Variants in BCR observed in about 807,000 individuals in gnomAD.
BCR encodes the protein breakpoint cluster region protein.
In BCR, 58 loss-of-function variants were observed where a neutral mutation model predicts 138.6. The observed-to-expected ratio is 0.42, with a 90% CI of 0.34 to 0.52. The LOEUF is 0.52. Ranked by LOEUF, BCR falls within the 20% of genes least tolerant of loss-of-function variation. BCR has a pLI of 0.06. For missense variants in BCR, 1,599 were observed against 1,727.2 expected (o/e 0.93, Z 1.32); for synonymous variants, 786 against 730.1 (o/e 1.08, Z -1.23).
rs571862317 is a variant in BCR, at chr22:23,282,935, G to A, written c.2116-1042G>A. On this transcript the variant is annotated intron_variant, in intron 8 of 22. Coordinates refer to ENST00000305877, the MANE Select transcript of BCR (RefSeq NM_004327.4). ...GTGAATGTTACCCCTCTCTTTCTGCGCTGCCTGGGACAGAGGGTGGACCTC... is the reference window on the plus strand; with the variant it reads ...GTGAATGTTACCCCTCTCTTTCTGCACTGCCTGGGACAGAGGGTGGACCTC... Among the ~76,000 whole-genome samples, 20 of 152,284 alleles carry A rather than the reference G, an allele frequency of 1.3e-4. No individual in the cohort carries two copies. In the South Asian group the frequency reaches 1.9e-3, roughly 14 times the overall value.
At chr22:23,263,395 C>A (rs1323843294) in intron 4 of BCR, 2 of 1,242,474 alleles carry the variant, frequency 1.6e-6, no homozygotes, top group Non-Finnish European at 2.4e-6. Context: ...AACCTGATGA[C>A]CAGTGTCCCA....
intron 16 of BCR, among the ~76,000 whole-genome samples, chr22:23,300,033 G>A (rs77771727): frequency 0.019 from 2,832 of 152,314 alleles, 39 homozygotes; most frequent in Middle Eastern, 0.027. Flanking sequence ...TAAGCACAAT[G>A]TAAAATGTCC....
At chr22:23,185,722 T>G (rs1461259967) in intron 1 of BCR, among the ~76,000 whole-genome samples, 3 of 143,346 alleles carry the variant, frequency 2.1e-5, no homozygotes, top group Non-Finnish European at 3.0e-5. Context: ...GTTCTCTCTG[T>G]TTTTTTTGTT....
At chr22:23,268,983 C>T (rs1214235794) in intron 5 of BCR, among the ~76,000 whole-genome samples, 2 of 152,250 alleles carry the variant, frequency 1.3e-5, no homozygotes, top group African/African-American at 4.8e-5. Context: ...CACCTGTGCT[C>T]TGTGGACCCA....
chr22:23,260,698 C>T (rs1012571136), intron 2 of BCR, among the ~76,000 whole-genome samples: 1 of 152,246 alleles, frequency 6.6e-6, no homozygotes, highest in Non-Finnish European at 1.5e-5. Flanking sequence ...AACTCTGTTT[C>T]GTGGTCTGGC....
At chr22:23,219,581 T>G (rs575118296) in intron 1 of BCR, among the ~76,000 whole-genome samples, 3 of 152,286 alleles carry the variant, frequency 2.0e-5, no homozygotes, top group Non-Finnish European at 4.4e-5. Context: ...GGGCTGAAGG[T>G]CAAGGTCACG....
rs113995274 is a variant in BCR at position 23,226,129 on chromosome 22, G to A, written c.1280-27670G>A. ...AATGGTGCAAACCTTCTTGCACTCC[G>A]TAAATGATTCATTTCCTTCAAATGT... On this transcript the variant is annotated intron_variant, in intron 1 of 22. Transcript: ENST00000305877. Among the ~76,000 whole-genome samples the A allele has an allele frequency of 8.7e-3, 1,322 of 152,284 alleles. 18 individuals carry two copies. The highest frequency in any genetic ancestry group is 0.03 in the African/African-American group (1,261 of 41,544).
At chr22:23,283,807 G>A in intron 8 of BCR, 170 bp from the exon 9 acceptor site, 2 of 870,426 alleles carry the variant, frequency 2.3e-6, no homozygotes, top group Non-Finnish European at 3.4e-6. Context: ...ACAGTGAGAT[G>A]AACAAAACGT....
At chr22:23,314,149 C>T in intron 21 of BCR, 76 bp downstream of exon 21, 1 of 1,198,722 alleles carries the variant, frequency 8.3e-7, no homozygotes, top group Non-Finnish European at 1.2e-6. Context: ...CCCACTAGAC[C>T]CCCAACACCG....
intron 1 of BCR, among the ~76,000 whole-genome samples, chr22:23,205,174 G>T (rs1367742324): frequency 6.6e-6 from 1 of 152,212 alleles, no homozygotes; most frequent in Non-Finnish European, 1.5e-5. Flanking sequence ...CTTAGTGCCA[G>T]TTGGAGTAGG....
At chr22:23,233,789 CAAAAA>C (rs59819093) in intron 1 of BCR, among the ~76,000 whole-genome samples, 3 of 70,102 alleles carry the variant, frequency 4.3e-5, no homozygotes, top group Admixed American at 1.6e-4. Flanking sequence ...GACCCTGTCT[CAAAAA>C]AAAAAAAAAG....
At chr22:23,238,431 A>C in intron 1 of BCR, among the ~76,000 whole-genome samples, 1 of 152,084 alleles carries the variant, frequency 6.6e-6, no homozygotes, top group South Asian at 2.1e-4. Flanking sequence ...ATTCTGGTGG[A>C]GAATACAAAA....
chr22:23,216,987 G>A (rs922772817), intron 1 of BCR: 6 of 440,932 alleles, frequency 1.4e-5, no homozygotes, highest in African/African-American at 8.1e-5. Flanking sequence ...CTAAGCGGGG[G>A]TAGAAAGCTG....
chr22:23,301,095 G>C (rs2073897486), intron 16 of BCR, among the ~76,000 whole-genome samples: 2 of 152,228 alleles, frequency 1.3e-5, no homozygotes, highest in Admixed American at 1.3e-4. Flanking sequence ...TTTGACATCA[G>C]GAGTTCAAGA....
intron 1 of BCR, chr22:23,242,759 C>T (rs1602056025): frequency 2.4e-6 from 1 of 418,890 alleles, no homozygotes; most frequent in South Asian, 1.8e-5. Flanking sequence ...CCTGTGGCTT[C>T]CTTAACAGAA....
chr22:23,314,511 G>A, intron 21 of BCR, 41 bp from the exon 22 acceptor site: 2 of 1,609,778 alleles, frequency 1.2e-6, no homozygotes, highest in Non-Finnish European at 1.7e-6. Context: ...CTCTCCTGGG[G>A]GTGGCGTTGA....
Position 23,295,080 on chromosome 22 carries a change from G to T in BCR, c.2937G>T (p.Lys979Asn). The stretch of plus-strand genomic sequence containing the variant: ...CCCTGAGGATACTGTGCTATGAAAA[G>T]TGTTACAACAAGACGAAGATCCCCA... ...SQTLRILCYE[K>N]CYNKTKIPKE... Residue 979 changes from lysine (K) to asparagine (N), a missense_variant, in exon 16 of 23, where the codon AAG (lysine) becomes AAT (asparagine). Physicochemically the swap from Lys to Asn is moderately conservative, Grantham distance 94. Transcript: ENST00000305877. 1 of 1,614,206 alleles carries T rather than the reference G, an allele frequency of 6.2e-7. No homozygotes were observed. The highest frequency in any genetic ancestry group is 2.2e-5 in the East Asian group (1 of 44,876).
At chr22:23,233,809 A>G (rs1268749222) in intron 1 of BCR, among the ~76,000 whole-genome samples, 2 of 98,124 alleles carry the variant, frequency 2.0e-5, no homozygotes, top group Admixed American at 1.0e-4. Flanking sequence ...AAAAAGAAAA[A>G]AAAGAAAAAA....
At chr22:23,218,994 TC>T (rs1435168564) in intron 1 of BCR, among the ~76,000 whole-genome samples, 3 of 143,396 alleles carry the variant, frequency 2.1e-5, no homozygotes, top group Admixed American at 1.4e-4. Context: ...AGGTGGCTGA[TC>T]CCTCGTTATG....
Sources: allele counts gnomAD v4.1 joint callset (sites outside exome capture counted in the v4.1 genomes callset), GRCh38; gene constraint gnomAD v4.1.1; transcripts MANE v1.5; gene names NCBI Gene and HGNC (gene_info 2026-07-23, HGNC 2026-07-21).